Variants in DLGAP2 observed in about 807,000 individuals in gnomAD.
DLGAP2 encodes the protein DLG associated protein 2.
In DLGAP2, 26 loss-of-function variants were observed where a neutral mutation model predicts 100.3. The observed-to-expected ratio is 0.26, with a 90% confidence interval of 0.19 to 0.36. The LOEUF (loss-of-function observed/expected upper bound fraction) is 0.36, where lower values mean the gene tolerates loss of function less well. DLGAP2 is among the 10% of genes least tolerant of loss of function. The pLI is 1.00. For missense variants in DLGAP2, 1,858 were observed against 1,453.2 expected (o/e 1.28, Z -4.53); for synonymous variants, 886 against 630.1 (o/e 1.41, Z -6.08).
chr8:1,117,124 G>A (rs1312146467), intron 2 of DLGAP2, among the ~76,000 whole-genome samples: 1 of 151,360 alleles, frequency 6.6e-6, no homozygotes, highest in African/African-American at 2.4e-5. Flanking sequence ...TCAAGAAGAG[G>A]TTTTGGAAAA....
intron 3 of DLGAP2, among the ~76,000 whole-genome samples, chr8:1,353,824 A>G (rs565062886): frequency 1.0e-3 from 156 of 152,388 alleles, no homozygotes; most frequent in Non-Finnish European, 1.7e-3. Flanking sequence ...CATTGACACA[A>G]AATTTTTAAT....
chr8:1,166,676 C>G (rs1199733395), intron 2 of DLGAP2, among the ~76,000 whole-genome samples: 2 of 152,158 alleles, frequency 1.3e-5, no homozygotes, highest in African/African-American at 4.8e-5. Flanking sequence ...CCAAACTTGT[C>G]TGATTTAATC....
chr8:745,636 G>GT, intron 1 of DLGAP2, among the ~76,000 whole-genome samples: 1 of 152,332 alleles, frequency 6.6e-6, no homozygotes, highest in South Asian at 2.1e-4. Context: ...CTAAGTGGAT[G>GT]TTCCCTCCAG....
chr8:1,592,495 T>G (rs1057094041), intron 6 of DLGAP2, among the ~76,000 whole-genome samples: 2 of 152,054 alleles, frequency 1.3e-5, no homozygotes, highest in African/African-American at 2.4e-5. Flanking sequence ...CCTGAAGCTC[T>G]GGAAAGCGGT....
chr8:974,717 A>G (rs559680251), intron 2 of DLGAP2, among the ~76,000 whole-genome samples: 5 of 152,302 alleles, frequency 3.3e-5, no homozygotes, highest in South Asian at 4.1e-4. Context: ...TGAAAATTCA[A>G]CTTATCAAAA....
chr8:1,020,006 A>AAGTT (rs1257553069), intron 2 of DLGAP2, among the ~76,000 whole-genome samples: 2 of 152,222 alleles, frequency 1.3e-5, no homozygotes, highest in Non-Finnish European at 2.9e-5. Flanking sequence ...TTTGTCAAAG[A>AAGTT]AGTTAAGTTG....
At chr8:1,178,886 GC>G (rs1164135085) in intron 2 of DLGAP2, among the ~76,000 whole-genome samples, 1 of 152,154 alleles carries the variant, frequency 6.6e-6, no homozygotes, top group African/African-American at 2.4e-5. Flanking sequence ...TCAGTTAGGA[GC>G]CCCCCTGCCC....
chr8:1,464,271 AC>A (rs1798549714), intron 3 of DLGAP2, among the ~76,000 whole-genome samples: 2 of 55,106 alleles, frequency 3.6e-5, no homozygotes, highest in Admixed American at 2.0e-4. Context: ...CCAGGACGGC[AC>A]CCTTCCAGGA....
intron 1 of DLGAP2, among the ~76,000 whole-genome samples, chr8:856,464 A>G (rs1797280381): frequency 6.6e-6 from 1 of 152,190 alleles, no homozygotes; most frequent in Admixed American, 6.5e-5. Context: ...CTGGGATTAC[A>G]GGCATGAGCC....
rs1373162410 is a variant in DLGAP2 at position 1,278,812 on chromosome 8, G to C, written c.106+19929G>C. 9.2e-5 allele frequency among the ~76,000 whole-genome samples: 14 copies of C among 152,262 alleles called. No individual in the cohort carries two copies. The South Asian group carries it at 2.5e-3, about 27-fold the overall frequency. On this transcript the variant is annotated intron_variant, in intron 3 of 14. Transcript: ENST00000637795. ...TAAAAATAATTTCAGTGTTCCATTT[G>C]GTTAAACATAAGCATTTCTTAGTCT... is the stretch of plus-strand genomic sequence containing the variant.
chr8:847,422 T>C (rs1245804910), intron 1 of DLGAP2, among the ~76,000 whole-genome samples: 1 of 152,196 alleles, frequency 6.6e-6, no homozygotes, highest in Non-Finnish European at 1.5e-5. Context: ...TTTACACTTT[T>C]TTTCCCTTCT....
chr8:1,501,342 G>A (rs2130322832), intron 3 of DLGAP2, 24 bp from the exon 4 acceptor site: 1 of 1,535,840 alleles, frequency 6.5e-7, no homozygotes, highest in East Asian at 2.4e-5. Context: ...GCATTAAAGA[G>A]TGACTTTGTT....
chr8:1,286,927 C>T (rs1398121330), intron 3 of DLGAP2, among the ~76,000 whole-genome samples: 2 of 152,218 alleles, frequency 1.3e-5, no homozygotes, highest in African/African-American at 2.4e-5. Flanking sequence ...AGGGCTTATG[C>T]TTGAACTGGC....
At chr8:1,209,977 A>T (rs1042390493) in intron 2 of DLGAP2, among the ~76,000 whole-genome samples, 1 of 152,154 alleles carries the variant, frequency 6.6e-6, no homozygotes, top group Non-Finnish European at 1.5e-5. Context: ...CAACTCAAAT[A>T]ATTTGCCAGT....
intron 1 of DLGAP2, among the ~76,000 whole-genome samples, chr8:806,815 T>G (rs1183729612): frequency 6.6e-6 from 1 of 152,228 alleles, no homozygotes; most frequent in Non-Finnish European, 1.5e-5. Flanking sequence ...AAAGAGGTTA[T>G]ATAAGTTAGA....
intron 1 of DLGAP2, among the ~76,000 whole-genome samples, chr8:865,405 T>A (rs1433286098): frequency 1.3e-5 from 2 of 152,206 alleles, no homozygotes; most frequent in Non-Finnish European, 2.9e-5. Flanking sequence ...TTAGACTTTC[T>A]GGGATGTGTC....
At chr8:837,839 C>T (rs148711659) in intron 1 of DLGAP2, among the ~76,000 whole-genome samples, 166 of 150,526 alleles carry the variant, frequency 1.1e-3, no homozygotes, top group Non-Finnish European at 2.0e-3. Context: ...GCCTCATCCT[C>T]CTGAGTAGCT....
chr8:1,236,378 ACC>A (rs1563271033), intron 2 of DLGAP2, among the ~76,000 whole-genome samples: 5 of 30,258 alleles, frequency 1.7e-4, no homozygotes, highest in Non-Finnish European at 2.4e-4. Flanking sequence ...GTGTCTAGTT[ACC>A]TATCACATGG....
chr8:830,567 C>A (rs1446759420), intron 1 of DLGAP2, among the ~76,000 whole-genome samples: 1 of 152,166 alleles, frequency 6.6e-6, no homozygotes, highest in Non-Finnish European at 1.5e-5. Flanking sequence ...TTTGGCAGAT[C>A]ATACGTAATT....
Sources: gnomAD v4.1 joint callset for allele counts (sites outside exome capture counted in the v4.1 genomes callset) on GRCh38, gnomAD v4.1.1 for gene constraint, MANE v1.5 for transcripts, NCBI Gene and HGNC (gene_info 2026-07-23, HGNC 2026-07-21) for gene names.